Variants in PARG observed in about 807,000 individuals in gnomAD.
The protein encoded by PARG is poly(ADP-ribose) glycohydrolase.
PARG carries 35 observed loss-of-function variants against 113.0 expected under a neutral mutation model. The observed-to-expected ratio is 0.31, with a 90% CI of 0.24 to 0.41. The LOEUF (loss-of-function observed/expected upper bound fraction) is 0.41, where lower values mean the gene tolerates loss of function less well. Among genes scored for constraint, PARG ranks in the 10% least tolerant of loss-of-function variants. PARG has a pLI of 1.00. For missense variants in PARG, 797 were observed against 1,169.4 expected, an observed-to-expected ratio of 0.68 and a Z score of 4.64; for synonymous variants, 330 against 409.9, an observed-to-expected ratio of 0.81 and a Z score of 2.36.
rs1241765438 is a variant in PARG, at chr10:49,933,762, C to T, written c.686G>A (p.Arg229Lys). ...GCACTTCTGGTGGCTTTTGGCTTCT[C>T]TGGCCTGTTCATCTTCTGTAGTCTG... ...AKQTTEDEQAREAKSHQKCSK... is the reference protein window; with the variant it reads ...AKQTTEDEQAKEAKSHQKCSK... The change falls in exon 3 of 18, where the codon AGA becomes AAA. Residue 229 changes from arginine to lysine, a missense_variant. Coordinates refer to ENST00000616448, the MANE Select transcript of PARG (RefSeq NM_003631.5). 6.2e-7 allele frequency: 1 copy of T among 1,613,564 alleles called. No homozygotes were observed. Among genetic ancestry groups the T allele is most frequent in the Admixed American group, 1.7e-5 (1 of 60,014 alleles).
At chr10:49,831,663 G>A (rs1554830285) in intron 16 of PARG, among the ~76,000 whole-genome samples, 4 of 152,172 alleles carry the variant, frequency 2.6e-5, no homozygotes, top group African/African-American at 9.7e-5. Context: ...CTCCTGACTG[G>A]TGTACACGCT....
intron 13 of PARG, among the ~76,000 whole-genome samples, chr10:49,850,673 C>G (rs1845721124): frequency 5.3e-5 from 8 of 152,016 alleles, no homozygotes; most frequent in Admixed American, 5.2e-4. Context: ...AAAACAAATA[C>G]TTGTTCTGTC....
intron 9 of PARG, among the ~76,000 whole-genome samples, chr10:49,877,736 C>T (rs1445682785): frequency 8.9e-6 from 1 of 112,168 alleles, no homozygotes; most frequent in Non-Finnish European, 1.8e-5. Flanking sequence ...AATAAATATC[C>T]ATGAGTCCAT....
chr10:49,843,620 T>C lies in PARG; in HGVS notation c.2366A>G (p.Tyr789Cys), dbSNP rs1235793571. ...CTCAGCATAGCCTGTGTATTCACTG[T>C]ACTGCTCAGTACCTGAAACAAACAA... is the stretch of plus-strand genomic sequence containing the variant. ...ECLIITGTEQ[Y>C]SEYTGYAETY... is the part of the protein sequence containing the mutation. Residue 789 changes from tyrosine (Y) to cysteine (C), a missense_variant, in exon 14 of 18, where the codon TAC (tyrosine) becomes TGC (cysteine). Physicochemically the swap from Tyr to Cys is radical, Grantham distance 194 (BLOSUM62 -2). Coordinates refer to ENST00000616448, the MANE Select transcript of PARG (RefSeq NM_003631.5). The C allele has an allele frequency of 6.5e-7, 1 of 1,548,718 alleles. No individual in the cohort carries two copies. Among genetic ancestry groups the C allele is most frequent in the Non-Finnish European group, 8.7e-7 (1 of 1,144,266 alleles).
At chr10:49,907,246 T>G (rs1212569830) in intron 7 of PARG, among the ~76,000 whole-genome samples, 1 of 152,218 alleles carries the variant, frequency 6.6e-6, no homozygotes, top group Non-Finnish European at 1.5e-5. Flanking sequence ...ACTAAAAACT[T>G]CATTAACACA....
At chr10:49,919,146 G>A (rs1324697526) in intron 6 of PARG, among the ~76,000 whole-genome samples, 2 of 151,962 alleles carry the variant, frequency 1.3e-5, no homozygotes, top group African/African-American at 4.8e-5. Flanking sequence ...TCACCATGTT[G>A]GCCAGGATGG....
intron 13 of PARG, among the ~76,000 whole-genome samples, chr10:49,854,731 G>A (rs1400422747): frequency 7.3e-6 from 1 of 137,280 alleles, no homozygotes; most frequent in Non-Finnish European, 1.6e-5. Flanking sequence ...ATTAGTTTCA[G>A]GCATCTAAGG....
Position 49,941,986 on chromosome 10 carries a change from G to A in PARG, c.-261C>T. 1 of 909,190 alleles carries A rather than the reference G, an allele frequency of 1.1e-6. No individual in the cohort carries two copies. The highest frequency in any genetic ancestry group is 2.6e-5 in the East Asian group (1 of 37,832). The allele number at this position is 909,190 out of a possible 1,614,324, so 56.3% of individuals were successfully genotyped here. Reference sequence around the variant, plus strand: ...GGATTCGTTCACTTTCCCACCACCGGAAAGCTGCCGTCAGGCGCTTCCGGC... The same window carrying A: ...GGATTCGTTCACTTTCCCACCACCGAAAAGCTGCCGTCAGGCGCTTCCGGC... On this transcript the variant is annotated 5_prime_UTR_variant, in exon 1 of 18. Transcript: ENST00000616448.
intron 6 of PARG, among the ~76,000 whole-genome samples, chr10:49,919,417 C>A (rs1278463279): frequency 6.6e-6 from 1 of 152,092 alleles, no homozygotes; most frequent in Non-Finnish European, 1.5e-5. Context: ...AGAACAATGG[C>A]CAAATAACAA....
At chr10:49,876,630 C>T (rs557333080) in intron 9 of PARG, among the ~76,000 whole-genome samples, 9 of 152,214 alleles carry the variant, frequency 5.9e-5, no homozygotes, top group East Asian at 1.9e-4. Context: ...AAAACTGATA[C>T]GTGAACTGAG....
chr10:49,919,299 T>C (rs2132870185), intron 6 of PARG, among the ~76,000 whole-genome samples: 1 of 152,312 alleles, frequency 6.6e-6, no homozygotes, highest in South Asian at 2.1e-4. Context: ...AAACAGCCTC[T>C]GTTTAGAAGA....
chr10:49,865,964 A>C (rs1321602494), intron 10 of PARG, among the ~76,000 whole-genome samples: 2 of 148,380 alleles, frequency 1.3e-5, no homozygotes, highest in Non-Finnish European at 1.5e-5. Context: ...CAATCACTCT[A>C]CTTGTTAGTA....
intron 7 of PARG, among the ~76,000 whole-genome samples, chr10:49,899,115 C>T (rs1356871213): frequency 1.3e-5 from 2 of 152,160 alleles, no homozygotes; most frequent in African/African-American, 4.8e-5. Flanking sequence ...TCTCCATTGC[C>T]TTTCAGAATC....
At chr10:49,857,548 C>T (rs1459861457) in intron 12 of PARG, 95 bp from the exon 13 acceptor site, 2 of 639,720 alleles carry the variant, frequency 3.1e-6, no homozygotes, top group Non-Finnish European at 5.4e-6. Context: ...CTTTTCCTCT[C>T]CCATGAAAAT....
intron 7 of PARG, chr10:49,909,679 C>G (rs1384174008): frequency 6.0e-6 from 1 of 165,760 alleles, no homozygotes; most frequent in Admixed American, 5.8e-5. Flanking sequence ...GAACCAAAGA[C>G]AGCACACAGC....
intron 9 of PARG, among the ~76,000 whole-genome samples, chr10:49,877,720 C>A (rs1554838646): frequency 8.9e-6 from 1 of 112,238 alleles, no homozygotes; most frequent in Non-Finnish European, 1.8e-5. Context: ...TAAACTGACA[C>A]AACAAAATAA....
At chr10:49,866,179 G>A (rs1259926456) in intron 10 of PARG, among the ~76,000 whole-genome samples, 1 of 152,040 alleles carries the variant, frequency 6.6e-6, no homozygotes, top group Non-Finnish European at 1.5e-5. Flanking sequence ...TAAATCAGCT[G>A]GCCAGAAGTA....
intron 7 of PARG, among the ~76,000 whole-genome samples, chr10:49,912,120 T>C (rs1837220114): frequency 6.6e-6 from 1 of 151,578 alleles, no homozygotes; most frequent in African/African-American, 2.4e-5. Context: ...GCCAATATAG[T>C]GAAACCCTGT....
At chr10:49,927,544 T>G (rs1248850884) in intron 4 of PARG, among the ~76,000 whole-genome samples, 1 of 151,886 alleles carries the variant, frequency 6.6e-6, no homozygotes, top group African/African-American at 2.4e-5. Flanking sequence ...CAACAACACT[T>G]ACTTGTCACA....
Sources: gnomAD v4.1 joint callset for allele counts (sites outside exome capture counted in the v4.1 genomes callset) on GRCh38, gnomAD v4.1.1 for gene constraint, MANE v1.5 for transcripts, NCBI Gene and HGNC (gene_info 2026-07-23, HGNC 2026-07-21) for gene names.